The following CRADD variants were observed in gnomAD, a reference collection of about 807,000 sequenced individuals.
CRADD encodes the protein CARD and death domain containing adaptor protein.
Under a neutral mutation model 15.5 loss-of-function variants are expected in CRADD, and 9 were observed. The ratio of observed to expected loss-of-function variants is 0.58; its 90% CI spans 0.35 to 1.01. The LOEUF (loss-of-function observed/expected upper bound fraction) is 1.01. CRADD is among the 50% of genes least tolerant of loss of function. The pLI is 0.02. For missense variants in CRADD, 227 were observed against 250.3 expected, an observed-to-expected ratio of 0.91 and a Z score of 0.63; for synonymous variants, 118 against 107.6, an observed-to-expected ratio of 1.10 and a Z score of -0.60.
chr12:93,695,955 A>T (rs565036111), intron 2 of CRADD, among the ~76,000 whole-genome samples: 1 of 152,200 alleles, frequency 6.6e-6, no homozygotes, highest in Non-Finnish European at 1.5e-5. Flanking sequence ...CTCAAAAGAC[A>T]TACAAATGGC....
chr12:93,691,273 G>C (rs958701242), intron 2 of CRADD, among the ~76,000 whole-genome samples: 1 of 144,552 alleles, frequency 6.9e-6, no homozygotes, highest in African/African-American at 2.6e-5. Context: ...TTTTTTTTGA[G>C]ACAGAGTTTT....
At chr12:93,734,784 T>C (rs1956534843) in intron 2 of CRADD, among the ~76,000 whole-genome samples, 1 of 152,198 alleles carries the variant, frequency 6.6e-6, no homozygotes, top group Non-Finnish European at 1.5e-5. Context: ...TTGTATGCAC[T>C]GTTCCCTCAG....
chr12:93,703,951 C>T (rs1955888507), intron 2 of CRADD, among the ~76,000 whole-genome samples: 1 of 145,232 alleles, frequency 6.9e-6, no homozygotes, highest in Admixed American at 6.9e-5. Flanking sequence ...TTAATGCTCA[C>T]TTACCGTCAA....
intron 2 of CRADD, among the ~76,000 whole-genome samples, chr12:93,726,309 G>A (rs1173135560): frequency 6.6e-6 from 1 of 151,700 alleles, no homozygotes; most frequent in Non-Finnish European, 1.5e-5. Context: ...TCACCATATG[G>A]GCCAGGCTGG....
At chr12:93,870,713 C>G (rs1958411358) in intron 2 of CRADD, among the ~76,000 whole-genome samples, 2 of 152,298 alleles carry the variant, frequency 1.3e-5, no homozygotes, top group East Asian at 3.9e-4. Flanking sequence ...TGCTACTCCT[C>G]CTCAAAGCCC....
rs74377955 is a variant in CRADD, at chr12:93,689,268, A to T, written c.298+10196A>T. 1.3e-4 allele frequency among the ~76,000 whole-genome samples: 20 copies of T among 152,268 alleles called. No individual in the cohort carries two copies. The East Asian group carries it at 3.9e-3, about 29-fold the overall frequency. On this transcript the variant is annotated intron_variant, in intron 2 of 2. Coordinates refer to ENST00000332896, the MANE Select transcript of CRADD (RefSeq NM_003805.5). ...TGGTGCAGCTTCAGAGTTTCACCAAATGCTTAGCAAGGTAGTGTTCTCTTT... is the reference window on the plus strand; with the variant it reads ...TGGTGCAGCTTCAGAGTTTCACCAATTGCTTAGCAAGGTAGTGTTCTCTTT...
intron 2 of CRADD, among the ~76,000 whole-genome samples, chr12:93,742,022 A>T (rs1473389716): frequency 6.6e-6 from 1 of 152,166 alleles, no homozygotes; most frequent in Non-Finnish European, 1.5e-5. Context: ...TAATGCAAAA[A>T]GCTCAGCCTT....
intron 2 of CRADD, among the ~76,000 whole-genome samples, chr12:93,772,114 C>T (rs1055543122): frequency 2.0e-5 from 3 of 152,170 alleles, no homozygotes; most frequent in African/African-American, 7.2e-5. Context: ...TTGCATGACT[C>T]CTTTTAAAAA....
At chr12:93,793,951 A>G (rs1037402449) in intron 2 of CRADD, among the ~76,000 whole-genome samples, 2 of 152,228 alleles carry the variant, frequency 1.3e-5, no homozygotes, top group East Asian at 1.9e-4. Flanking sequence ...TAAGCAACCC[A>G]TTCACTTGGC....
chr12:93,805,737 T>C (rs58899389), intron 2 of CRADD, among the ~76,000 whole-genome samples: 51,578 of 152,070 alleles, frequency 0.34, 9,405 homozygotes, highest in East Asian at 0.69. Flanking sequence ...AACTGTATCC[T>C]GCTGCTTAGT....
chr12:93,866,626 A>C (rs953855093), intron 2 of CRADD, among the ~76,000 whole-genome samples: 1 of 152,074 alleles, frequency 6.6e-6, no homozygotes, highest in Non-Finnish European at 1.5e-5. Flanking sequence ...TTTATATTTA[A>C]AATTGGGGCC....
At chr12:93,807,271 C>T (rs1957549892) in intron 2 of CRADD, among the ~76,000 whole-genome samples, 1 of 152,080 alleles carries the variant, frequency 6.6e-6, no homozygotes, top group African/African-American at 2.4e-5. Context: ...AGATCATGGA[C>T]TCAATAAATA....
chr12:93,853,236 C>T (rs1454919961), downstream of CRADD, among the ~76,000 whole-genome samples: 2 of 152,076 alleles, frequency 1.3e-5, no homozygotes, highest in Non-Finnish European at 2.9e-5. Flanking sequence ...CAATGGCATA[C>T]TCCAAATGAT....
chr12:93,730,741 A>C (rs1448945933), intron 2 of CRADD, among the ~76,000 whole-genome samples: 1 of 139,654 alleles, frequency 7.2e-6, no homozygotes, highest in Admixed American at 7.3e-5. Context: ...TTTTTAATGG[A>C]GCTTTGCCCT....
At chr12:93,876,208 T>A (rs955030951) in intron 2 of CRADD, among the ~76,000 whole-genome samples, 2 of 152,202 alleles carry the variant, frequency 1.3e-5, no homozygotes, top group African/African-American at 4.8e-5. Context: ...CTCCATTGTA[T>A]GTTATTTGTT....
chr12:93,682,616 A>G (rs997105093), intron 2 of CRADD, among the ~76,000 whole-genome samples: 1 of 151,958 alleles, frequency 6.6e-6, no homozygotes, highest in African/African-American at 2.4e-5. Flanking sequence ...CAGAGGCTTT[A>G]TTTTGGTGAT....
intron 2 of CRADD, among the ~76,000 whole-genome samples, chr12:93,715,699 G>A (rs1242714048): frequency 6.6e-6 from 1 of 152,152 alleles, no homozygotes; most frequent in Non-Finnish European, 1.5e-5. Flanking sequence ...GGAAGTATAT[G>A]TGAATTGGTG....
rs564507333 is a variant in CRADD, at chr12:93,694,952, G to GA, written c.298+15886dup. ...TCTAGTGACATATTTTATAGAAATA[G>GA]AAAAAACAATTCTGAAATTTATATG... On this transcript the variant is annotated intron_variant, in intron 2 of 2. Coordinates refer to ENST00000332896, the MANE Select transcript of CRADD (RefSeq NM_003805.5). Among the ~76,000 whole-genome samples the GA allele has an allele frequency of 9.5e-3, 1,442 of 152,248 alleles. 16 individuals are homozygous for GA. The highest frequency in any genetic ancestry group is 0.064 in the South Asian group (307 of 4,826).
intron 2 of CRADD, among the ~76,000 whole-genome samples, chr12:93,691,085 C>G (rs192980973): frequency 6.6e-6 from 1 of 152,200 alleles, no homozygotes; most frequent in African/African-American, 2.4e-5. Context: ...CTTTCAATCT[C>G]TTTATTATTA....
Sources: gnomAD v4.1 joint callset for allele counts (sites outside exome capture counted in the v4.1 genomes callset) on GRCh38, gnomAD v4.1.1 for gene constraint, MANE v1.5 for transcripts, NCBI Gene and HGNC (gene_info 2026-07-23, HGNC 2026-07-21) for gene names.